Variants in CD302 observed in about 807,000 individuals in gnomAD.
CD302 encodes the protein CD302 antigen.
In CD302, 23 loss-of-function variants were observed where a neutral mutation model predicts 26.5. That is an observed-to-expected ratio of 0.87 (90% CI 0.62 to 1.23). The LOEUF (loss-of-function observed/expected upper bound fraction) is 1.23. CD302 is among the 50% of genes most tolerant of loss of function. The probability of loss-of-function intolerance (pLI) is 0.00; values close to 1 mark genes in which losing one functional copy is unlikely to be tolerated. For synonymous variants in CD302, 90 were observed against 99.4 expected (o/e 0.91, Z 0.56); for missense variants, 290 against 275.5 (o/e 1.05, Z -0.37).
chr2:159,778,936 T>TA (rs1708419861), intron 4 of CD302, among the ~76,000 whole-genome samples: 1 of 152,024 alleles, frequency 6.6e-6, no homozygotes, highest in Non-Finnish European at 1.5e-5. Context: ...TTCTGTTCAT[T>TA]AAAAAACCTT....
chr2:159,787,315 C>T (rs554871618), intron 1 of CD302, among the ~76,000 whole-genome samples: 24 of 152,188 alleles, frequency 1.6e-4, no homozygotes, highest in African/African-American at 5.5e-4. Context: ...TCCAGTAATA[C>T]TTAATGTAGT....
rs1368763051 is a variant in CD302, at chr2:159,797,988, C to G, written c.67+144G>C. On this transcript the variant is annotated intron_variant, in intron 1 of 5. Coordinates refer to ENST00000259053, the MANE Select transcript of CD302 (RefSeq NM_014880.5). ...ACCCGGAGCCAGGACCCACGGGGGA[C>G]GGGCGTGCAGGGAAGGGCGGGATGG... The G allele has an allele frequency of 5.5e-6, 4 of 722,184 alleles. No homozygotes were observed. In the East Asian group the frequency reaches 1.4e-4, roughly 25 times the overall value. The allele number at this position is 722,184 out of a possible 1,614,324, so 44.7% of individuals were successfully genotyped here. A position where few individuals can be genotyped will look rare whatever the true frequency, so the allele number is the denominator to read the frequency against.
At chr2:159,789,457 G>A (rs1978586) in intron 1 of CD302, among the ~76,000 whole-genome samples, 140,714 of 152,122 alleles carry the variant, frequency 0.93, 65,259 homozygotes, top group African/African-American at 0.96. Flanking sequence ...TTAACTTATC[G>A]TAGTTATTTT....
At chr2:159,792,448 G>GTGTGTT in intron 1 of CD302, among the ~76,000 whole-genome samples, 1 of 151,394 alleles carries the variant, frequency 6.6e-6, no homozygotes, top group Non-Finnish European at 1.5e-5. Context: ...GTGTGTGTGT[G>GTGTGTT]TGTGTGTGTG....
chr2:159,784,346 C>CTTTTT (rs151184238), intron 1 of CD302, among the ~76,000 whole-genome samples: 2 of 53,066 alleles, frequency 3.8e-5, no homozygotes, highest in Non-Finnish European at 6.5e-5. Context: ...TTAAGTTCTG[C>CTTTTT]TTTTTTTTTT....
At chr2:159,776,456 A>AT (rs1228404330) in intron 5 of CD302, among the ~76,000 whole-genome samples, 5 of 132,892 alleles carry the variant, frequency 3.8e-5, no homozygotes, top group Non-Finnish European at 5.2e-5. Flanking sequence ...TCTTTTAATA[A>AT]TTTTTTTTGA....
intron 5 of CD302, 55 bp from the exon 6 acceptor site, chr2:159,772,108 G>C: frequency 4.5e-6 from 7 of 1,564,310 alleles, no homozygotes; most frequent in Non-Finnish European, 6.1e-6. Flanking sequence ...CAAGTTGCAA[G>C]TATATTTTGA....
In CD302 at chr2:159,770,622, T is replaced by TG. The variant is rs1708114431; in HGVS notation, c.*1228dup. ...CTAGACAGTATACTTCAGTCAGTAA[T>TG]GGACCACATATAGAACAGTGTTTCC... is the stretch of plus-strand genomic sequence containing the variant. On this transcript the variant is annotated 3_prime_UTR_variant, in exon 6 of 6. Transcript: ENST00000259053. 1 of 152,196 alleles carries TG rather than the reference T, an allele frequency of 6.6e-6. No homozygotes were observed. The highest frequency in any genetic ancestry group is 2.4e-5 in the African/African-American group (1 of 41,462). The allele number at this position is 152,196 out of a possible 1,614,324, so 9.4% of individuals were successfully genotyped here.
intron 1 of CD302, among the ~76,000 whole-genome samples, chr2:159,794,888 A>G (rs1708909473): frequency 6.6e-6 from 1 of 151,688 alleles, no homozygotes; most frequent in Admixed American, 6.6e-5. Flanking sequence ...AATCTGAGAT[A>G]ATTTCCCCTG....
intron 5 of CD302, among the ~76,000 whole-genome samples, chr2:159,772,493 G>T (rs1402912271): frequency 2.0e-5 from 3 of 152,088 alleles, no homozygotes; most frequent in Non-Finnish European, 4.4e-5. Flanking sequence ...ACCAAGACCT[G>T]CAGTAAAGTA....
chr2:159,787,394 T>G (rs565899438), intron 1 of CD302, among the ~76,000 whole-genome samples: 6 of 152,166 alleles, frequency 3.9e-5, no homozygotes, highest in Non-Finnish European at 7.4e-5. Flanking sequence ...TATTTTATGT[T>G]CCTTTTTTCT....
chr2:159,783,377 T>C lies in CD302; in HGVS notation c.160A>G (p.Asn54Asp). 6.2e-7 allele frequency: 1 copy of C among 1,607,430 alleles called. No individual in the cohort carries two copies. Among genetic ancestry groups the C allele is most frequent in the Non-Finnish European group, 8.5e-7 (1 of 1,178,422 alleles). ...IKVESIEDVR[N>D]QCTDHGADMI... ...CTTTTACCATGGTCAGTACACTGATTTCTGACATCCTCTATGCTTTCTACT... is the reference window on the plus strand; with the variant it reads ...CTTTTACCATGGTCAGTACACTGATCTCTGACATCCTCTATGCTTTCTACT... The change falls in exon 2 of 6, where the codon AAT (asparagine) becomes GAT (aspartate). Residue 54 changes from asparagine (N) to aspartate (D), a missense_variant. Physicochemically the swap from Asn to Asp is conservative, Grantham distance 23. Coordinates refer to ENST00000259053, the MANE Select transcript of CD302 (RefSeq NM_014880.5).
At position 159,770,028 on chromosome 2, in the gene CD302, CTG is replaced by C. The variant is rs1708084860; in HGVS notation, c.*1821_*1822del. 6.6e-6 allele frequency: 1 copy of C among 152,116 alleles called. No individual in the cohort carries two copies. The highest frequency in any genetic ancestry group is 1.5e-5 in the Non-Finnish European group (1 of 68,006). 9.4% of individuals were successfully genotyped at this position (152,116 alleles called of 1,614,324 possible). A position where few individuals can be genotyped will look rare whatever the true frequency, so the allele number is the denominator to read the frequency against. ...ACATTGTAGTTGTAGACGTTTGAGACTGTTGGTTTTAAGTTGGACTTAATCAC... is the reference window on the plus strand; with the variant it reads ...ACATTGTAGTTGTAGACGTTTGAGACTTGGTTTTAAGTTGGACTTAATCAC... On this transcript the variant is annotated 3_prime_UTR_variant, in exon 6 of 6. Transcript: ENST00000259053.
intron 1 of CD302, among the ~76,000 whole-genome samples, chr2:159,791,558 T>C (rs1185115887): frequency 6.6e-6 from 1 of 152,236 alleles, no homozygotes; most frequent in Non-Finnish European, 1.5e-5. Flanking sequence ...TCCCAAATGA[T>C]TGTTAACGCC....
intron 1 of CD302, among the ~76,000 whole-genome samples, chr2:159,790,090 C>T (rs953516512): frequency 6.6e-6 from 1 of 152,234 alleles, no homozygotes; most frequent in African/African-American, 2.4e-5. Flanking sequence ...ATCTACCCAT[C>T]ATCCATATCA....
chr2:159,791,393 G>A (rs1430560995), intron 1 of CD302, among the ~76,000 whole-genome samples: 1 of 152,098 alleles, frequency 6.6e-6, no homozygotes, highest in Non-Finnish European at 1.5e-5. Flanking sequence ...TTGTGTCTAG[G>A]GTTTTAAAAA....
chr2:159,779,832 G>A (rs1340005737), intron 4 of CD302, among the ~76,000 whole-genome samples, 173 bp downstream of exon 4: 1 of 152,018 alleles, frequency 6.6e-6, no homozygotes, highest in East Asian at 1.9e-4. Context: ...TTCAACTCCT[G>A]CGCTCAAGCA....
At chr2:159,775,263 C>A (rs1266082241) in intron 5 of CD302, among the ~76,000 whole-genome samples, 1 of 152,200 alleles carries the variant, frequency 6.6e-6, no homozygotes, top group Non-Finnish European at 1.5e-5. Context: ...CACTAAATTA[C>A]ATACACATAT....
rs1708463448 is a variant in CD302, at chr2:159,780,154, T to C, written c.320A>G (p.Asn107Ser). 6.2e-7 allele frequency: 1 copy of C among 1,613,660 alleles called. No individual in the cohort carries two copies. Among genetic ancestry groups the C allele is most frequent in the African/African-American group, 1.3e-5 (1 of 74,914 alleles). Residue 107 changes from asparagine (N) to serine (S), a missense_variant, in exon 4 of 6, where the codon AAT becomes AGT. Physicochemically the swap from Asn to Ser is conservative, Grantham distance 46. Coordinates refer to ENST00000259053, the MANE Select transcript of CD302 (RefSeq NM_014880.5). Reference protein sequence around the residue: ...TDDASFKWFDNSNMTFDKWTD... With the variant: ...TDDASFKWFDSSNMTFDKWTD... ...CCACTTATCAAATGTCATATTTGAA[T>C]TATCAAACCACTTGAAACTCGCATC...
Sources: gnomAD v4.1 joint callset for allele counts (sites outside exome capture counted in the v4.1 genomes callset) on GRCh38, gnomAD v4.1.1 for gene constraint, MANE v1.5 for transcripts, NCBI Gene and HGNC (gene_info 2026-07-23, HGNC 2026-07-21) for gene names.